The following RMDN3 variants were observed in gnomAD, a reference collection of about 807,000 sequenced individuals.
RMDN3 encodes the protein regulator of microtubule dynamics protein 3.
A neutral mutation model predicts 61.8 loss-of-function variants in RMDN3; 41 were observed. The observed-to-expected ratio is 0.66, with a 90% CI of 0.52 to 0.86. The LOEUF (loss-of-function observed/expected upper bound fraction) is 0.86, where lower values mean the gene tolerates loss of function less well. RMDN3 is among the 40% of genes least tolerant of loss of function. RMDN3 has a pLI of 0.00. For missense variants in RMDN3, 557 were observed against 585.3 expected (o/e 0.95, Z 0.50); for synonymous variants, 247 against 232.0 (o/e 1.06, Z -0.59).
At chr15:40,738,898 A>C in intron 7 of RMDN3, 1 of 302,146 alleles carries the variant, frequency 3.3e-6, no homozygotes, top group South Asian at 6.2e-5. Flanking sequence ...GCATTAATAA[A>C]AACTTGAAAA....
Position 40,738,501 on chromosome 15 carries a change from C to G in RMDN3, c.1047G>C (p.Lys349Asn). 4 of 1,614,116 alleles carry G rather than the reference C, an allele frequency of 2.5e-6. No individual in the cohort carries two copies. Among genetic ancestry groups the G allele is most frequent in the Non-Finnish European group, 3.4e-6 (4 of 1,180,006 alleles). Residue 349 changes from lysine (K) to asparagine (N), a missense_variant and splice_region_variant, in exon 8 of 13, where the codon AAG (lysine) becomes AAC (asparagine). Lys to Asn is a moderately conservative substitution (Grantham distance 94). Coordinates refer to ENST00000338376, the MANE Select transcript of RMDN3 (RefSeq NM_018145.3). ...GGAAGGAGGAAAAGCCTGTCCTCAC[C>G]TTGAAGCTAAAGCCACTCTGGATGC... ...QRRIQSGFSFKEHVDKAIALQ... is the reference protein window; with the variant it reads ...QRRIQSGFSFNEHVDKAIALQ...
At chr15:40,736,718 TC>T in intron 12 of RMDN3, 124 bp from the exon 13 acceptor site, 1 of 796,564 alleles carries the variant, frequency 1.3e-6, no homozygotes. Flanking sequence ...TTTTCCTACT[TC>T]CCCAGGATAG....
rs1897969075 is a variant in RMDN3, at chr15:40,754,706, G to A, written c.78C>T (p.Phe26=). Residue 26 remains phenylalanine, a synonymous_variant, in exon 2 of 13, where the codon TTC becomes TTT. Transcript: ENST00000338376. Reference sequence around the variant, plus strand: ...ATCGCTGGCTGTAAAGGAGGCACAGGAATCCAAGGCCGGCGGCGGTACCCA... The same window carrying A: ...ATCGCTGGCTGTAAAGGAGGCACAGAAATCCAAGGCCGGCGGCGGTACCCA... ...LLLGTAAGLG[F]LCLLYSQRWK... 1 of 1,613,920 alleles carries A rather than the reference G, an allele frequency of 6.2e-7. No homozygotes were observed. The highest frequency in any genetic ancestry group is 1.1e-5 in the South Asian group (1 of 91,080).
chr15:40,740,360 G>A (rs1010606729), intron 6 of RMDN3, among the ~76,000 whole-genome samples, 167 bp from the exon 7 acceptor site: 1 of 152,240 alleles, frequency 6.6e-6, no homozygotes, highest in African/African-American at 2.4e-5. Flanking sequence ...AAAGAAGCCA[G>A]TCACAGTGGC....
Position 40,736,365 on chromosome 15 carries a change from T to C in RMDN3, c.*176A>G, listed in dbSNP as rs1897043482. The C allele has an allele frequency of 1.7e-6, 1 of 592,988 alleles. No individual in the cohort carries two copies. Among genetic ancestry groups the C allele is most frequent in the Non-Finnish European group, 3.0e-6 (1 of 332,326 alleles). 36.7% of individuals were successfully genotyped at this position (592,988 alleles called of 1,614,324 possible). A position where few individuals can be genotyped will look rare whatever the true frequency, so the allele number is the denominator to read the frequency against. On this transcript the variant is annotated 3_prime_UTR_variant, in exon 13 of 13. Transcript: ENST00000338376. ...GAAGCCATGAGTACTGCCCCAATTCTAGATTAGGTTAGAGGTTAGAATAAA... is the reference window on the plus strand; with the variant it reads ...GAAGCCATGAGTACTGCCCCAATTCCAGATTAGGTTAGAGGTTAGAATAAA...
Position 40,736,353 on chromosome 15 carries a change from CT to C in RMDN3, c.*187del. The C allele has an allele frequency of 1.7e-6, 1 of 576,144 alleles. No homozygotes were observed. The highest frequency in any genetic ancestry group is 3.0e-5 in the East Asian group (1 of 33,648). 35.7% of individuals were successfully genotyped at this position (576,144 alleles called of 1,614,324 possible). On this transcript the variant is annotated 3_prime_UTR_variant, in exon 13 of 13. Transcript: ENST00000338376. ...ACAACAGAAACGGAAGCCATGAGTA[CT>C]GCCCCAATTCTAGATTAGGTTAGAG...
At chr15:40,737,841 T>C (rs1240713362) in intron 9 of RMDN3, 115 bp from the exon 10 acceptor site, 21 of 1,436,486 alleles carry the variant, frequency 1.5e-5, no homozygotes, top group Non-Finnish European at 1.9e-5. Flanking sequence ...CCACCAATAA[T>C]ACGAGCATTC....
At chr15:40,750,231 T>TC (rs1897760788) in intron 4 of RMDN3, among the ~76,000 whole-genome samples, 1 of 145,046 alleles carries the variant, frequency 6.9e-6, no homozygotes, top group African/African-American at 2.7e-5. Flanking sequence ...TTTTTTTTTT[T>TC]TTCTTTGAGA....
intron 5 of RMDN3, 96 bp downstream of exon 5, chr15:40,744,881 G>C: frequency 1.5e-6 from 2 of 1,303,120 alleles, no homozygotes; most frequent in Non-Finnish European, 2.1e-6. Flanking sequence ...ACCTTGTAGG[G>C]GCAGTAACCA....
Position 40,737,181 on chromosome 15 carries a change from G to GT in RMDN3, c.1301dup (p.Asn434LysfsTer3). 6 of 1,614,212 alleles carry GT rather than the reference G, an allele frequency of 3.7e-6. No individual in the cohort carries two copies. Among genetic ancestry groups the GT allele is most frequent in the Non-Finnish European group, 5.1e-6 (6 of 1,180,032 alleles). Reference sequence around the variant, plus strand: ...ACTTCATCCACCATCTAGCTTCAGAGTTTTTCCCTAGTTCTCTGTAGCACT... The same window carrying GT: ...ACTTCATCCACCATCTAGCTTCAGAGTTTTTTCCCTAGTTCTCTGTAGCACT... On this transcript the variant is annotated frameshift_variant, in exon 12 of 13. Coordinates refer to ENST00000338376, the MANE Select transcript of RMDN3 (RefSeq NM_018145.3). LOFTEE classifies it high-confidence loss of function.
chr15:40,744,419 C>T (rs1897416118), intron 5 of RMDN3: 3 of 367,610 alleles, frequency 8.2e-6, no homozygotes, highest in African/African-American at 2.1e-5. Flanking sequence ...GAAAGGTCAA[C>T]TCCAAGATGT....
chr15:40,754,516 C>T, intron 2 of RMDN3, 81 bp downstream of exon 2: 1 of 1,382,524 alleles, frequency 7.2e-7, no homozygotes, highest in Non-Finnish European at 9.8e-7. Context: ...GTTACCCTGT[C>T]CCACAGTCTC....
At chr15:40,744,720 G>A (rs1897438107) in intron 5 of RMDN3, among the ~76,000 whole-genome samples, 1 of 152,050 alleles carries the variant, frequency 6.6e-6, no homozygotes, top group Non-Finnish European at 1.5e-5. Context: ...ACAGAAAGCA[G>A]AGAACTACAC....
intron 2 of RMDN3, among the ~76,000 whole-genome samples, chr15:40,753,156 A>C (rs560550916): frequency 6.6e-6 from 1 of 152,306 alleles, no homozygotes; most frequent in African/African-American, 2.4e-5. Context: ...AAGACTCCAA[A>C]ACTAACTTTT....
In RMDN3 at chr15:40,737,282, G is replaced by C. The variant is rs747424280; in HGVS notation, c.1278+6C>G. The C allele has an allele frequency of 4.3e-6, 7 of 1,613,566 alleles. No homozygotes were observed. Among genetic ancestry groups the C allele is most frequent in the African/African-American group, 2.7e-5 (2 of 74,880 alleles). On this transcript the variant is annotated splice_donor_region_variant and intron_variant, in intron 11 of 12. Transcript: ENST00000338376. ...GATCTATGTTGAAGTAGACAAATGA[G>C]TTTACCTTGGAAATATATACCCTTC...
At chr15:40,754,371 C>T (rs959599953) in intron 2 of RMDN3, among the ~76,000 whole-genome samples, 1 of 152,174 alleles carries the variant, frequency 6.6e-6, no homozygotes, top group African/African-American at 2.4e-5. Flanking sequence ...TGGTCTTGAA[C>T]TCCTGACCTC....
Position 40,736,159 on chromosome 15 carries a change from G to A in RMDN3, c.*382C>T, listed in dbSNP as rs1341486222. ...AGACTATATGTACTGAGTCCTATTA[G>A]TCAGTGAAAAAGATTAAAGTGACAA... On this transcript the variant is annotated 3_prime_UTR_variant, in exon 13 of 13. Coordinates refer to ENST00000338376, the MANE Select transcript of RMDN3 (RefSeq NM_018145.3). 4.9e-6 allele frequency: 1 copy of A among 204,352 alleles called. No individual in the cohort carries two copies. Among genetic ancestry groups the A allele is most frequent in the African/African-American group, 2.3e-5 (1 of 42,846 alleles). The allele number at this position is 204,352 out of a possible 1,614,324, so 12.7% of individuals were successfully genotyped here.
intron 4 of RMDN3, among the ~76,000 whole-genome samples, chr15:40,749,004 A>G (rs928675579): frequency 6.6e-6 from 1 of 152,006 alleles, no homozygotes; most frequent in African/African-American, 2.4e-5. Context: ...CCTGGGTTCA[A>G]GTGATTCTTC....
In RMDN3 at chr15:40,737,304, C is replaced by T. The variant is rs1897095092; in HGVS notation, c.1262G>A (p.Arg421Lys). ...TGAGTTTACCTTGGAAATATATACC[C>T]TTCCTGCTTTGGAAAATCCTGGCTG... ...ELQPGFSKAG[R>K]VYISKCYREL... The change falls in exon 11 of 13, where the codon AGG becomes AAG. Residue 421 changes from arginine to lysine, a missense_variant. By Grantham distance (26) the Arg-to-Lys change is conservative. Transcript: ENST00000338376. 1.2e-6 allele frequency: 2 copies of T among 1,614,048 alleles called. No individual in the cohort carries two copies. Among genetic ancestry groups the T allele is most frequent in the Non-Finnish European group, 1.7e-6 (2 of 1,179,942 alleles).
Sources: gnomAD v4.1 joint callset for allele counts (sites outside exome capture counted in the v4.1 genomes callset) on GRCh38, gnomAD v4.1.1 for gene constraint, MANE v1.5 for transcripts, NCBI Gene and HGNC (gene_info 2026-07-23, HGNC 2026-07-21) for gene names.